FBXO36: variants seen among roughly 807,000 people sequenced by gnomAD.
The protein encoded by FBXO36 is F-box only protein 36.
FBXO36 carries 18 observed loss-of-function variants against 17.0 expected under a neutral mutation model. That is an observed-to-expected ratio of 1.06 (90% CI 0.73 to 1.57). The LOEUF is 1.57. Ranked by LOEUF, FBXO36 falls within the 40% of genes most tolerant of loss-of-function variation. The pLI is 0.00. For missense variants in FBXO36, 229 were observed against 221.9 expected (o/e 1.03, Z -0.20); for synonymous variants, 83 against 85.3 (o/e 0.97, Z 0.15).
chr2:229,928,663 T>C (rs935899374), intron 1 of FBXO36, among the ~76,000 whole-genome samples: 1 of 152,198 alleles, frequency 6.6e-6, no homozygotes, highest in Admixed American at 6.5e-5. Flanking sequence ...CCTGCTGTTT[T>C]TGTGGAAGGA....
At chr2:229,967,453 G>T (rs1241943250) in intron 1 of FBXO36, among the ~76,000 whole-genome samples, 1 of 152,166 alleles carries the variant, frequency 6.6e-6, no homozygotes, top group Non-Finnish European at 1.5e-5. Flanking sequence ...CCTGTCTTGT[G>T]CCAGTTTCCA....
At chr2:229,928,262 C>A (rs1041287613) in intron 1 of FBXO36, among the ~76,000 whole-genome samples, 1 of 152,154 alleles carries the variant, frequency 6.6e-6, no homozygotes, top group African/African-American at 2.4e-5. Context: ...CAAATAAAAT[C>A]TTTAGCAAGA....
At chr2:229,940,411 C>T (rs993245521) in intron 1 of FBXO36, among the ~76,000 whole-genome samples, 9 of 152,080 alleles carry the variant, frequency 5.9e-5, no homozygotes, top group Admixed American at 5.2e-4. Flanking sequence ...AGGAGTGATT[C>T]TGCCGTAATG....
At chr2:229,962,589 C>G (rs2077129145) in intron 1 of FBXO36, among the ~76,000 whole-genome samples, 1 of 150,710 alleles carries the variant, frequency 6.6e-6, no homozygotes, top group African/African-American at 2.5e-5. Context: ...ATGCTAGTCT[C>G]AAGCTCCTGG....
intron 1 of FBXO36, among the ~76,000 whole-genome samples, chr2:229,954,569 C>T (rs1300368962): frequency 3.8e-5 from 3 of 79,830 alleles, no homozygotes; most frequent in Admixed American, 1.9e-4. Context: ...TTTTTTGAGA[C>T]GGGAGTCTCG....
At chr2:229,928,503 G>A (rs946349063) in intron 1 of FBXO36, among the ~76,000 whole-genome samples, 1 of 152,136 alleles carries the variant, frequency 6.6e-6, no homozygotes, top group African/African-American at 2.4e-5. Context: ...AAATGAAAGT[G>A]TAAATGGATA....
At chr2:229,971,138 G>T (rs1178690940) in intron 1 of FBXO36, among the ~76,000 whole-genome samples, 1 of 152,070 alleles carries the variant, frequency 6.6e-6, no homozygotes, top group African/African-American at 2.4e-5. Flanking sequence ...CAGATCACCT[G>T]AGGTCAGGAG....
chr2:229,975,149 A>G (rs1019287359), intron 1 of FBXO36, among the ~76,000 whole-genome samples: 2 of 152,252 alleles, frequency 1.3e-5, no homozygotes, highest in African/African-American at 4.8e-5. Flanking sequence ...AGTTTGCTTC[A>G]GATAAACCAA....
At chr2:229,924,264 T>C (rs1260254011) in intron 1 of FBXO36, among the ~76,000 whole-genome samples, 1 of 152,098 alleles carries the variant, frequency 6.6e-6, no homozygotes, top group Non-Finnish European at 1.5e-5. Context: ...AGCTAATTTT[T>C]GTATTTTTAA....
intron 3 of FBXO36, among the ~76,000 whole-genome samples, chr2:230,002,027 G>A (rs1027964334): frequency 2.0e-5 from 3 of 151,908 alleles, no homozygotes; most frequent in East Asian, 1.9e-4. Context: ...TGGTAGAGAC[G>A]GGGTTTTACC....
chr2:229,929,852 T>C (rs1427534942), intron 1 of FBXO36, among the ~76,000 whole-genome samples: 2 of 152,144 alleles, frequency 1.3e-5, no homozygotes, highest in Admixed American at 6.5e-5. Context: ...GAGTAAGACT[T>C]TGTCTCAAAA....
chr2:230,001,659 T>C (rs1394742192), intron 3 of FBXO36, among the ~76,000 whole-genome samples: 1 of 152,128 alleles, frequency 6.6e-6, no homozygotes. Context: ...GGGGGACAAG[T>C]TTATTACCAA....
At chr2:229,924,358 G>A (rs989141934) in intron 1 of FBXO36, among the ~76,000 whole-genome samples, 1 of 152,172 alleles carries the variant, frequency 6.6e-6, no homozygotes, top group Non-Finnish European at 1.5e-5. Flanking sequence ...CTCCCAAATT[G>A]CTAGGATTAT....
intron 2 of FBXO36, among the ~76,000 whole-genome samples, chr2:229,986,305 A>T (rs1411604627): frequency 6.6e-6 from 1 of 152,092 alleles, no homozygotes; most frequent in Non-Finnish European, 1.5e-5. Context: ...GTTCACGACC[A>T]GTCTGGGCAA....
At chr2:229,949,388 A>G (rs959803437) in intron 1 of FBXO36, among the ~76,000 whole-genome samples, 1 of 152,306 alleles carries the variant, frequency 6.6e-6, no homozygotes, top group Admixed American at 6.5e-5. Context: ...GGTTAAGTAA[A>G]TTAAAATTAT....
At chr2:229,932,548 C>T (rs1253803146) in intron 1 of FBXO36, among the ~76,000 whole-genome samples, 5 of 151,534 alleles carry the variant, frequency 3.3e-5, no homozygotes, top group Admixed American at 1.3e-4. Context: ...GATATGGTGG[C>T]GCACTTGTAA....
At chr2:229,971,991 CTTTTTTTTTTTT>C (rs918029152) in intron 1 of FBXO36, among the ~76,000 whole-genome samples, 1 of 104,044 alleles carries the variant, frequency 9.6e-6, no homozygotes, top group African/African-American at 3.8e-5. Flanking sequence ...GTATCCAATT[CTTTTTTTTTTTT>C]TTTTTTTTTG....
chr2:229,977,789 T>C (rs564693586), intron 2 of FBXO36, among the ~76,000 whole-genome samples: 1 of 152,218 alleles, frequency 6.6e-6, no homozygotes, highest in Admixed American at 6.6e-5. Flanking sequence ...TCATGACCCA[T>C]CTTCAGCAAT....
chr2:229,998,744 C>A (rs891367022), intron 3 of FBXO36, among the ~76,000 whole-genome samples: 3 of 151,720 alleles, frequency 2.0e-5, no homozygotes, highest in Non-Finnish European at 4.4e-5. Flanking sequence ...GAGTTGTGTT[C>A]ATACCACTGT....
Sources: allele counts gnomAD v4.1 joint callset (sites outside exome capture counted in the v4.1 genomes callset), GRCh38; gene constraint gnomAD v4.1.1; transcripts MANE v1.5; gene names NCBI Gene and HGNC (gene_info 2026-07-23, HGNC 2026-07-21).